Variants in SGCD observed in about 807,000 individuals in gnomAD.
SGCD encodes sarcoglycan delta.
SGCD carries 18 observed loss-of-function variants against 36.6 expected under a neutral mutation model. The observed-to-expected ratio is 0.49, with a 90% CI of 0.34 to 0.73. SGCD has a LOEUF of 0.73. SGCD is among the 30% of genes least tolerant of loss of function. The pLI, the probability that SGCD is intolerant of heterozygous loss-of-function variation, is 0.01. For synonymous variants in SGCD, 133 were observed against 130.6 expected (o/e 1.02, Z -0.12); for missense variants, 387 against 346.7 (o/e 1.12, Z -0.92).
intron 1 of SGCD, among the ~76,000 whole-genome samples, chr5:155,966,141 C>T (rs919519700): frequency 2.0e-5 from 3 of 152,046 alleles, no homozygotes; most frequent in Non-Finnish European, 4.4e-5. Flanking sequence ...TCTGGAAATC[C>T]CACGTTCTTT....
At chr5:156,313,048 T>C (rs771884515) in intron 3 of SGCD, among the ~76,000 whole-genome samples, 7 of 152,152 alleles carry the variant, frequency 4.6e-5, no homozygotes, top group Non-Finnish European at 1.0e-4. Flanking sequence ...CTAAGCCATC[T>C]GTCTCAGAAC....
At chr5:156,321,727 TG>T (rs1388602112) in intron 3 of SGCD, among the ~76,000 whole-genome samples, 3 of 152,144 alleles carry the variant, frequency 2.0e-5, no homozygotes, top group African/African-American at 7.2e-5. Context: ...CCAGGGAAAG[TG>T]AGCATGTGAC....
chr5:156,406,925 G>C (rs1580941766), intron 3 of SGCD, among the ~76,000 whole-genome samples: 2 of 150,682 alleles, frequency 1.3e-5, no homozygotes, highest in East Asian at 3.9e-4. Flanking sequence ...GCAAGCTTGA[G>C]GAGTGAGGAG....
intron 7 of SGCD, among the ~76,000 whole-genome samples, chr5:156,679,855 ATCT>A (rs1385038497): frequency 1.3e-5 from 2 of 152,066 alleles, no homozygotes; most frequent in Non-Finnish European, 2.9e-5. Flanking sequence ...CACTTTAGTT[ATCT>A]TCTTAGTTAC....
At chr5:156,077,400 A>C (rs1760814437) in intron 1 of SGCD, among the ~76,000 whole-genome samples, 2 of 152,130 alleles carry the variant, frequency 1.3e-5, no homozygotes, top group African/African-American at 4.8e-5. Context: ...CGATTGAGCA[A>C]CAAAAATATT....
the SGCD span, among the ~76,000 whole-genome samples, chr5:155,745,146 A>C: frequency 6.6e-6 from 1 of 152,232 alleles, no homozygotes; most frequent in Non-Finnish European, 1.5e-5. Context: ...ATAGGAAAAA[A>C]ATAAACACAT....
chr5:155,845,415 A>G, the SGCD span: 3 of 152,206 alleles, frequency 2.0e-5, no homozygotes, highest in African/African-American at 7.2e-5. Flanking sequence ...TATAAGGCCC[A>G]CAACTGGTTT....
intron 3 of SGCD, among the ~76,000 whole-genome samples, chr5:156,357,120 A>C (rs922992774): frequency 1.3e-5 from 2 of 152,204 alleles, no homozygotes; most frequent in African/African-American, 4.8e-5. Flanking sequence ...CAATCTGTGC[A>C]ACAGTACCGC....
At chr5:156,418,787 T>C (rs1773166118) in intron 3 of SGCD, among the ~76,000 whole-genome samples, 1 of 152,196 alleles carries the variant, frequency 6.6e-6, no homozygotes, top group Non-Finnish European at 1.5e-5. Context: ...TAGTAGAAGA[T>C]GGTTTGTGCC....
intron 6 of SGCD, among the ~76,000 whole-genome samples, chr5:156,630,328 G>A (rs965922946): frequency 6.6e-6 from 1 of 152,150 alleles, no homozygotes; most frequent in South Asian, 2.1e-4. Context: ...TAAATGTTTG[G>A]ATGGATGGAT....
At chr5:156,713,197 C>T (rs1177673367) in intron 7 of SGCD, among the ~76,000 whole-genome samples, 1 of 152,102 alleles carries the variant, frequency 6.6e-6, no homozygotes, top group Non-Finnish European at 1.5e-5. Flanking sequence ...GAATTTCCTT[C>T]CCTACCCATC....
At chr5:156,270,247 A>G (rs1298241843) in intron 3 of SGCD, among the ~76,000 whole-genome samples, 1 of 152,064 alleles carries the variant, frequency 6.6e-6, no homozygotes, top group East Asian at 1.9e-4. Context: ...TTGTACTAGT[A>G]CCATGCTGTT....
At chr5:155,999,290 T>C (rs1023538073) in intron 1 of SGCD, among the ~76,000 whole-genome samples, 4 of 152,178 alleles carry the variant, frequency 2.6e-5, no homozygotes, top group African/African-American at 7.2e-5. Flanking sequence ...TTGGAAGTCA[T>C]GTATTTATAT....
rs545823259 is a variant in SGCD at position 156,516,230 on chromosome 5, A to C, written c.294+7528A>C. ...CTCCTGACTAGGTGAGACCCCCCAC[A>C]CACACACCCCCAATAGGGGTTGCCA... On this transcript the variant is annotated intron_variant, in intron 4 of 8. Coordinates refer to ENST00000337851, the MANE Select transcript of SGCD (RefSeq NM_000337.6). Among the ~76,000 whole-genome samples the C allele has an allele frequency of 3.9e-3, 594 of 152,176 alleles. 1 individual carries two copies. The highest frequency in any genetic ancestry group is 0.013 in the African/African-American group (550 of 41,536).
chr5:156,603,240 A>T (rs753967372), intron 6 of SGCD, among the ~76,000 whole-genome samples: 1 of 152,104 alleles, frequency 6.6e-6, no homozygotes, highest in Non-Finnish European at 1.5e-5. Flanking sequence ...AGATATTCAT[A>T]TAGATACATA....
intron 8 of SGCD, among the ~76,000 whole-genome samples, chr5:156,758,951 G>A (rs1408305124): frequency 6.6e-6 from 1 of 152,128 alleles, no homozygotes; most frequent in Non-Finnish European, 1.5e-5. Context: ...TTTGACTCTA[G>A]GACTCTATTT....
chr5:156,491,434 A>G lies in SGCD; in HGVS notation c.193-17167A>G, dbSNP rs933263195. 4.6e-5 allele frequency among the ~76,000 whole-genome samples: 7 copies of G among 152,166 alleles called. No individual in the cohort carries two copies. The South Asian group carries it at 1.4e-3, about 31-fold the overall frequency. On this transcript the variant is annotated intron_variant, in intron 3 of 8. Coordinates refer to ENST00000337851, the MANE Select transcript of SGCD (RefSeq NM_000337.6). ...TGAGGCATCACACTACTTGATCTCA[A>G]AATGTACTACAAAGCTGTAATAACC...
At chr5:155,805,099 T>C in the SGCD span, among the ~76,000 whole-genome samples, 1 of 152,210 alleles carries the variant, frequency 6.6e-6, no homozygotes, top group Admixed American at 6.5e-5. Context: ...GTAGCTACTG[T>C]ATTAGAAAAT....
At chr5:156,398,519 T>G (rs1771979266) in intron 3 of SGCD, among the ~76,000 whole-genome samples, 1 of 152,200 alleles carries the variant, frequency 6.6e-6, no homozygotes, top group African/African-American at 2.4e-5. Context: ...TAGTTATGCA[T>G]GGTAAAGCTG....
Sources: gnomAD v4.1 joint callset for allele counts (sites outside exome capture counted in the v4.1 genomes callset) on GRCh38, gnomAD v4.1.1 for gene constraint, MANE v1.5 for transcripts, NCBI Gene and HGNC (gene_info 2026-07-23, HGNC 2026-07-21) for gene names.